The following STIM1 variants were observed in gnomAD, a reference collection of about 807,000 sequenced individuals.
STIM1 encodes the protein stromal interaction molecule 1.
In STIM1, 25 loss-of-function variants were observed where a neutral mutation model predicts 74.7. The ratio of observed to expected loss-of-function variants is 0.33; its 90% CI spans 0.24 to 0.47. STIM1 has a LOEUF of 0.47. Among genes scored for constraint, STIM1 ranks in the 20% least tolerant of loss-of-function variants. The pLI, the probability that STIM1 is intolerant of heterozygous loss-of-function variation, is 1.00. For missense variants in STIM1, 728 were observed against 920.8 expected (o/e 0.79, Z 2.71); for synonymous variants, 328 against 348.8 (o/e 0.94, Z 0.66).
chr11:3,898,674 T>C (rs1001588440), intron 1 of STIM1, among the ~76,000 whole-genome samples: 11 of 152,058 alleles, frequency 7.2e-5, no homozygotes, highest in African/African-American at 2.7e-4. Flanking sequence ...CTTTAATCCA[T>C]GTTGAATTAA....
intron 3 of STIM1, among the ~76,000 whole-genome samples, chr11:4,054,440 G>A (rs184778371): frequency 0.011 from 1,646 of 152,282 alleles, 16 homozygotes; most frequent in Non-Finnish European, 0.017. Context: ...TCCATGGCCC[G>A]TTAGGGACTG....
At chr11:4,076,600 T>G (rs2094438802) in intron 7 of STIM1, among the ~76,000 whole-genome samples, 2 of 151,798 alleles carry the variant, frequency 1.3e-5, no homozygotes, top group Non-Finnish European at 2.9e-5. Flanking sequence ...TTCTGAACCT[T>G]TATTGTTTGT....
intron 3 of STIM1, among the ~76,000 whole-genome samples, chr11:4,025,261 A>G (rs1771620775): frequency 6.6e-6 from 1 of 152,278 alleles, no homozygotes; most frequent in South Asian, 2.1e-4. Flanking sequence ...GTAGATGGGG[A>G]GCATTAAATG....
At chr11:3,929,266 ACTT>A (rs1174601115) in intron 1 of STIM1, among the ~76,000 whole-genome samples, 3 of 152,196 alleles carry the variant, frequency 2.0e-5, no homozygotes, top group Non-Finnish European at 4.4e-5. Flanking sequence ...AAGCAGGTGA[ACTT>A]CTGCTCTAGA....
intron 1 of STIM1, among the ~76,000 whole-genome samples, chr11:3,936,335 A>G (rs116147998): frequency 0.022 from 3,299 of 152,268 alleles, 119 homozygotes; most frequent in African/African-American, 0.073. Context: ...GGACAAGTGC[A>G]TTAAGGACTA....
chr11:3,903,978 C>T (rs1212628551), intron 1 of STIM1, among the ~76,000 whole-genome samples: 3 of 152,028 alleles, frequency 2.0e-5, no homozygotes, highest in Non-Finnish European at 4.4e-5. Flanking sequence ...GCGGGTAGAT[C>T]ACGAGGTCAG....
intron 1 of STIM1, among the ~76,000 whole-genome samples, chr11:3,948,449 A>G (rs1036748053): frequency 6.6e-6 from 1 of 152,154 alleles, no homozygotes; most frequent in Non-Finnish European, 1.5e-5. Flanking sequence ...TCTGTAGGCT[A>G]TGTAGTTTGC....
intron 2 of STIM1, among the ~76,000 whole-genome samples, chr11:3,979,325 A>G (rs1317440800): frequency 6.6e-6 from 1 of 152,108 alleles, no homozygotes; most frequent in African/African-American, 2.4e-5. Context: ...TGATCTTCCT[A>G]ACCTACATTT....
At chr11:3,912,977 A>G (rs2092589110) in intron 1 of STIM1, among the ~76,000 whole-genome samples, 1 of 152,120 alleles carries the variant, frequency 6.6e-6, no homozygotes, top group Non-Finnish European at 1.5e-5. Context: ...TGAGATCTAC[A>G]GCACCTTTTT....
Position 3,867,855 on chromosome 11 carries a change from GGCAGGCAGGCAGGCAA to G in STIM1, c.139+11457_139+11472del, listed in dbSNP as rs368707035. Among the ~76,000 whole-genome samples, 78 of 144,758 alleles carry G rather than the reference GGCAGGCAGGCAGGCAA, an allele frequency of 5.4e-4. 1 individual carries two copies. Among genetic ancestry groups the G allele is most frequent in the African/African-American group, 1.6e-3 (64 of 40,772 alleles). The allele number at this position is 144,758 out of a possible 152,430, so 95.0% of individuals were successfully genotyped here. On this transcript the variant is annotated intron_variant, in intron 1 of 12. Coordinates refer to ENST00000526596, the MANE Select transcript of STIM1 (RefSeq NM_001382567.1). The stretch of plus-strand genomic sequence containing the variant: ...CAGAAATCTCACTGGCAGGCAGGCA[GGCAGGCAGGCAGGCAA>G]GCAGGCAGGCTTTCAAATCTCATGT...
At chr11:4,086,137 G>C (rs958962203) in intron 11 of STIM1, 1 of 310,386 alleles carries the variant, frequency 3.2e-6, no homozygotes, top group Non-Finnish European at 6.0e-6. Context: ...TGAAAAGGCT[G>C]GTTCTTAGTG....
At chr11:3,974,159 G>A (rs1198945343) in intron 2 of STIM1, 2 of 596,054 alleles carry the variant, frequency 3.4e-6, no homozygotes, top group East Asian at 2.9e-5. Context: ...GACCCTCACT[G>A]GTCATTTCAA....
At chr11:3,869,465 G>T (rs2090995803) in intron 1 of STIM1, among the ~76,000 whole-genome samples, 1 of 152,150 alleles carries the variant, frequency 6.6e-6, no homozygotes, top group East Asian at 1.9e-4. Flanking sequence ...TTGTAGAGGA[G>T]GTAGCAGCTT....
At chr11:4,079,564 A>G (rs1464543609) in intron 7 of STIM1, among the ~76,000 whole-genome samples, 1 of 151,248 alleles carries the variant, frequency 6.6e-6, no homozygotes, top group Non-Finnish European at 1.5e-5. Context: ...ACAGAGCAAG[A>G]CTCCATCTCA....
At chr11:3,954,922 A>T (rs774563238) in intron 1 of STIM1, among the ~76,000 whole-genome samples, 5 of 152,232 alleles carry the variant, frequency 3.3e-5, no homozygotes, top group Non-Finnish European at 7.3e-5. Flanking sequence ...AAATGAAAAC[A>T]TATGTTCATA....
chr11:4,003,627 A>G (rs2135922962), intron 2 of STIM1, among the ~76,000 whole-genome samples: 1 of 152,280 alleles, frequency 6.6e-6, no homozygotes, highest in South Asian at 2.1e-4. Flanking sequence ...CCCACAGCCA[A>G]TATCATACTG....
chr11:3,863,863 C>T (rs1050398319), intron 1 of STIM1, among the ~76,000 whole-genome samples: 3 of 151,964 alleles, frequency 2.0e-5, no homozygotes, highest in Admixed American at 6.6e-5. Flanking sequence ...ACAATTATTC[C>T]GCTTTATTAA....
chr11:4,034,898 A>G (rs1330520680), intron 3 of STIM1, among the ~76,000 whole-genome samples: 1 of 152,112 alleles, frequency 6.6e-6, no homozygotes, highest in Non-Finnish European at 1.5e-5. Context: ...TTACTGGTAT[A>G]TGTTAATAAA....
At chr11:3,868,552 T>C (rs2090957335) in intron 1 of STIM1, among the ~76,000 whole-genome samples, 1 of 152,244 alleles carries the variant, frequency 6.6e-6, no homozygotes, top group Admixed American at 6.5e-5. Flanking sequence ...TAGGTGGAGA[T>C]AGGCATTTTG....
Sources: gnomAD v4.1 joint callset for allele counts (sites outside exome capture counted in the v4.1 genomes callset) on GRCh38, gnomAD v4.1.1 for gene constraint, MANE v1.5 for transcripts, NCBI Gene and HGNC (gene_info 2026-07-23, HGNC 2026-07-21) for gene names.